Variants in SYNE2 observed in about 807,000 individuals in gnomAD.
SYNE2 encodes nesprin-2.
Under a neutral mutation model 856.3 loss-of-function variants are expected in SYNE2, and 431 were observed. The observed-to-expected ratio is 0.50, with a 90% confidence interval of 0.47 to 0.55. The LOEUF is 0.55. Ranked by LOEUF, SYNE2 falls within the 20% of genes least tolerant of loss-of-function variation. The probability of loss-of-function intolerance (pLI) is 0.00; values close to 1 mark genes in which losing one functional copy is unlikely to be tolerated. For missense variants in SYNE2, 8,129 were observed against 8,023.2 expected, an observed-to-expected ratio of 1.01 and a Z score of -0.50; for synonymous variants, 2,923 against 2,872.3, an observed-to-expected ratio of 1.02 and a Z score of -0.56.
intron 45 of SYNE2, among the ~76,000 whole-genome samples, chr14:64,039,823 T>A (rs4566057): frequency 6.6e-6 from 1 of 151,958 alleles, no homozygotes; most frequent in African/African-American, 2.4e-5. Flanking sequence ...TTAGAATTTA[T>A]AAGGGCTCAA....
intron 2 of SYNE2, among the ~76,000 whole-genome samples, chr14:63,931,046 C>T (rs759357671): frequency 2.6e-5 from 4 of 152,142 alleles, no homozygotes; most frequent in Non-Finnish European, 5.9e-5. Flanking sequence ...TCTGCACTAA[C>T]TCCAGGCAGT....
intron 1 of SYNE2, among the ~76,000 whole-genome samples, chr14:63,903,977 C>T (rs1376108617): frequency 6.6e-6 from 1 of 152,130 alleles, no homozygotes; most frequent in African/African-American, 2.4e-5. Flanking sequence ...CCTTCCCTCC[C>T]TTCACCCCTC....
intron 95 of SYNE2, among the ~76,000 whole-genome samples, chr14:64,176,511 G>C (rs529689207): frequency 1.3e-5 from 2 of 152,164 alleles, no homozygotes; most frequent in Non-Finnish European, 2.9e-5. Flanking sequence ...GAAGTGGAAA[G>C]TGAAGGTTGA....
At chr14:64,060,706 G>C (rs1264930255) in intron 49 of SYNE2, among the ~76,000 whole-genome samples, 1 of 152,010 alleles carries the variant, frequency 6.6e-6, no homozygotes, top group Non-Finnish European at 1.5e-5. Flanking sequence ...TTGTAGCACA[G>C]CACTAGGACT....
chr14:64,118,057 T>C (rs1028609433), intron 66 of SYNE2, among the ~76,000 whole-genome samples: 1 of 152,264 alleles, frequency 6.6e-6, no homozygotes, highest in Non-Finnish European at 1.5e-5. Flanking sequence ...TACAGCTTGC[T>C]TGGATGAAGG....
intron 61 of SYNE2, chr14:64,095,054 G>A (rs570026499): frequency 5.9e-6 from 1 of 170,316 alleles, no homozygotes. Context: ...CAGTGCAAAA[G>A]TAATTCCAGT....
At chr14:63,781,277 T>G (rs1023891278) in intron 1 of SYNE2, among the ~76,000 whole-genome samples, 1 of 115,682 alleles carries the variant, frequency 8.6e-6, no homozygotes, top group Non-Finnish European at 1.8e-5. Context: ...AAACTCCAAC[T>G]CAAAAAAAAA....
At chr14:64,156,232 G>C (rs2098283993) in intron 85 of SYNE2, among the ~76,000 whole-genome samples, 1 of 152,104 alleles carries the variant, frequency 6.6e-6, no homozygotes, top group Non-Finnish European at 1.5e-5. Context: ...AGGCCTTTAA[G>C]GTGCTAGAAG....
intron 63 of SYNE2, 152 bp downstream of exon 63, chr14:64,098,973 T>TA (rs1352918947): frequency 5.1e-6 from 4 of 778,402 alleles, no homozygotes; most frequent in African/African-American, 3.4e-5. Flanking sequence ...CTTATGTTAT[T>TA]AATGTTTAAG....
rs2098304974 is a variant in SYNE2 at position 64,158,636 on chromosome 14, C to T, written c.15804C>T (p.Leu5268=). The change falls in exon 86 of 116, where the codon CTC becomes CTT. Residue 5268 remains leucine (L), a synonymous_variant. Coordinates refer to ENST00000555002, the MANE Select transcript of SYNE2 (RefSeq NM_182914.3). Reference sequence around the variant, plus strand: ...CACTTTTTGTCTAGGTCAATCAGCTCAAAACCTCCATGCAGTCAGTTTTAC... The same window carrying T: ...CACTTTTTGTCTAGGTCAATCAGCTTAAAACCTCCATGCAGTCAGTTTTAC... ...RSSVLTQVNQ[L]KTSMQSVLQE... 1.2e-6 allele frequency: 2 copies of T among 1,613,930 alleles called. No individual in the cohort carries two copies. The highest frequency in any genetic ancestry group is 1.6e-4 in the Middle Eastern group (1 of 6,062).
chr14:64,119,489 C>T lies in SYNE2; in HGVS notation c.12903C>T (p.Gly4301=), dbSNP rs148708516. 455 of 1,614,156 alleles carry T rather than the reference C, an allele frequency of 2.8e-4. 1 individual carries two copies. In the Middle Eastern group the frequency reaches 5.9e-3, roughly 21 times the overall value. Residue 4301 remains glycine, a synonymous_variant, in exon 67 of 116, where the codon GGC becomes GGT. Transcript: ENST00000555002. ...AFLLETCKDQ[G]LGDNGATQHE... ...TGTTAGAGACTTGCAAAGATCAGGG[C>T]CTGGGAGATAATGGAGCCACTCAAC...
At chr14:63,898,441 A>G (rs553610920) in intron 1 of SYNE2, among the ~76,000 whole-genome samples, 2 of 151,918 alleles carry the variant, frequency 1.3e-5, no homozygotes, top group East Asian at 1.9e-4. Context: ...GAGTTTCGCC[A>G]TTGCCCAGGC....
Position 64,031,095 on chromosome 14 carries a change from C to T in SYNE2, c.6959C>T (p.Thr2320Ile). The change falls in exon 45 of 116, where the codon ACA becomes ATA. Residue 2320 changes from threonine (T) to isoleucine (I), a missense_variant. Physicochemically the swap from Thr to Ile is moderately conservative, Grantham distance 89 (BLOSUM62 -1). Transcript: ENST00000555002. ...TTAGCAAAATCCGTCAAGCAAAATACATCTTCAGTGGGGCAGAAGATTATT... is the reference window on the plus strand; with the variant it reads ...TTAGCAAAATCCGTCAAGCAAAATATATCTTCAGTGGGGCAGAAGATTATT... ...LALAKSVKQN[T>I]SSVGQKIIKD... is the part of the protein sequence containing the mutation. 1 of 1,614,028 alleles carries T rather than the reference C, an allele frequency of 6.2e-7. No individual in the cohort carries two copies. The highest frequency in any genetic ancestry group is 8.5e-7 in the Non-Finnish European group (1 of 1,179,958).
chr14:64,032,363 G>C (rs944069761), intron 45 of SYNE2, among the ~76,000 whole-genome samples: 3 of 151,940 alleles, frequency 2.0e-5, no homozygotes, highest in Non-Finnish European at 4.4e-5. Context: ...TTGAGACCAG[G>C]CTGGGCAACA....
intron 32 of SYNE2, among the ~76,000 whole-genome samples, chr14:64,010,691 A>T (rs2096837151): frequency 6.6e-6 from 1 of 152,188 alleles, no homozygotes; most frequent in South Asian, 2.1e-4. Context: ...ATACTGCACT[A>T]TATGACTCTA....
At chr14:63,801,703 A>G (rs1020528535) in intron 1 of SYNE2, among the ~76,000 whole-genome samples, 5 of 152,036 alleles carry the variant, frequency 3.3e-5, no homozygotes, top group African/African-American at 1.2e-4. Flanking sequence ...AAGAAATAAA[A>G]CCCTAGAAAT....
At chr14:63,889,246 C>A (rs535080495) in intron 1 of SYNE2, among the ~76,000 whole-genome samples, 6 of 151,452 alleles carry the variant, frequency 4.0e-5, no homozygotes, top group Admixed American at 1.3e-4. Context: ...AATGTATATT[C>A]CATTTTGTAG....
intron 45 of SYNE2, among the ~76,000 whole-genome samples, chr14:64,036,612 A>C (rs762921005): frequency 4.6e-5 from 7 of 152,204 alleles, no homozygotes; most frequent in Non-Finnish European, 1.0e-4. Context: ...TGTTCTTGAC[A>C]GATGTTTGGT....
rs1422797893 is a variant in SYNE2, at chr14:64,010,026, C to T, written c.4638C>T (p.Ile1546=). The T allele has an allele frequency of 1.2e-6, 2 of 1,613,884 alleles. No homozygotes were observed. The highest frequency in any genetic ancestry group is 1.7e-6 in the Non-Finnish European group (2 of 1,179,940). The change falls in exon 32 of 116, where the codon ATC becomes ATT. Residue 1546 remains isoleucine (I), a synonymous_variant. Transcript: ENST00000555002. ...LLKQYQNFKS[I]LTTLIQKEES... ...AACAATATCAGAATTTTAAAAGCATCTTGACAACTTTGATTCAAAAAGAAG... is the reference window on the plus strand; with the variant it reads ...AACAATATCAGAATTTTAAAAGCATTTTGACAACTTTGATTCAAAAAGAAG...
Sources: allele counts gnomAD v4.1 joint callset (sites outside exome capture counted in the v4.1 genomes callset), GRCh38; gene constraint gnomAD v4.1.1; transcripts MANE v1.5; gene names NCBI Gene and HGNC (gene_info 2026-07-23, HGNC 2026-07-21).